The following AKT3 variants were observed in gnomAD, a reference collection of about 807,000 sequenced individuals.
AKT3 encodes AKT serine/threonine kinase 3.
In AKT3, 15 loss-of-function variants were observed where a neutral mutation model predicts 65.3. That is an observed-to-expected ratio of 0.23 (90% confidence interval 0.15 to 0.35). The LOEUF is 0.35. AKT3 is among the 10% of genes least tolerant of loss of function. The pLI, the probability that AKT3 is intolerant of heterozygous loss-of-function variation, is 1.00. For synonymous variants in AKT3, 206 were observed against 183.8 expected (o/e 1.12, Z -0.98); for missense variants, 243 against 576.5 (o/e 0.42, Z 5.92).
At chr1:243,619,237 C>T (rs1245882368) in intron 6 of AKT3, among the ~76,000 whole-genome samples, 1 of 152,046 alleles carries the variant, frequency 6.6e-6, no homozygotes, top group Non-Finnish European at 1.5e-5. Context: ...TTTTTCGATA[C>T]ATAATAGTTG....
intron 12 of AKT3, among the ~76,000 whole-genome samples, chr1:243,543,659 T>C (rs1672465151): frequency 6.6e-6 from 1 of 152,166 alleles, no homozygotes; most frequent in South Asian, 2.1e-4. Context: ...CATTCCTATA[T>C]ATGCATGCAA....
At chr1:243,727,320 G>C (rs1267823280) in intron 2 of AKT3, among the ~76,000 whole-genome samples, 1 of 152,142 alleles carries the variant, frequency 6.6e-6, no homozygotes, top group African/African-American at 2.4e-5. Context: ...TTGAGACAGG[G>C]TCTTGCTCTG....
intron 8 of AKT3, among the ~76,000 whole-genome samples, chr1:243,603,894 CTTT>C (rs566682027): frequency 3.8e-5 from 5 of 129,942 alleles, no homozygotes; most frequent in African/African-American, 8.8e-5. Flanking sequence ...AATTAATAAT[CTTT>C]TTTTTTTTTT....
chr1:243,610,974 T>C (rs1479003026), intron 8 of AKT3, among the ~76,000 whole-genome samples: 1 of 152,220 alleles, frequency 6.6e-6, no homozygotes, highest in East Asian at 1.9e-4. Flanking sequence ...GCTACAATGC[T>C]GCAATGAGTA....
intron 12 of AKT3, among the ~76,000 whole-genome samples, chr1:243,537,005 G>A (rs143779453): frequency 9.9e-5 from 15 of 152,160 alleles, no homozygotes; most frequent in African/African-American, 2.2e-4. Context: ...TAACCTCTGC[G>A]TAACTGCCAT....
chr1:243,749,431 A>C (rs925998708), intron 2 of AKT3, among the ~76,000 whole-genome samples: 1 of 151,932 alleles, frequency 6.6e-6, no homozygotes, highest in African/African-American at 2.4e-5. Context: ...TAATATCCCT[A>C]CTTCCTAGAA....
chr1:243,745,919 C>G (rs757111593), intron 2 of AKT3, among the ~76,000 whole-genome samples: 2 of 152,128 alleles, frequency 1.3e-5, no homozygotes, highest in Non-Finnish European at 2.9e-5. Context: ...CTGCAGTACC[C>G]GTAGTATTCA....
chr1:243,510,329 C>T (rs969983178), intron 13 of AKT3, among the ~76,000 whole-genome samples: 1 of 152,184 alleles, frequency 6.6e-6, no homozygotes, highest in African/African-American at 2.4e-5. Flanking sequence ...GGAGCTTGGG[C>T]TAATAACGAA....
chr1:243,708,891 T>C (rs1685973315), intron 2 of AKT3, among the ~76,000 whole-genome samples: 3 of 152,000 alleles, frequency 2.0e-5, no homozygotes, highest in African/African-American at 4.8e-5. Flanking sequence ...CATTTATTAA[T>C]GAAATATAAT....
intron 8 of AKT3, among the ~76,000 whole-genome samples, chr1:243,608,585 G>A (rs1159935547): frequency 6.6e-6 from 1 of 152,072 alleles, no homozygotes; most frequent in African/African-American, 2.4e-5. Context: ...GTCCTTAGAT[G>A]CCATACAGAT....
chr1:243,548,111 G>A (rs541888285), intron 11 of AKT3: 1 of 152,294 alleles, frequency 6.6e-6, no homozygotes, highest in East Asian at 1.9e-4. Context: ...TGTGCTTGGG[G>A]AACCAGAGAA....
chr1:243,810,057 C>T (rs1035832673), intron 2 of AKT3, among the ~76,000 whole-genome samples: 1 of 152,140 alleles, frequency 6.6e-6, no homozygotes, highest in African/African-American at 2.4e-5. Context: ...ATTTATAGCA[C>T]TAAATGCCCA....
intron 2 of AKT3, among the ~76,000 whole-genome samples, chr1:243,709,556 A>G (rs1686019352): frequency 6.6e-6 from 1 of 151,970 alleles, no homozygotes; most frequent in South Asian, 2.1e-4. Flanking sequence ...ACTACTAAAC[A>G]GTCTTATTCT....
intron 8 of AKT3, among the ~76,000 whole-genome samples, chr1:243,586,282 T>C (rs1675795031): frequency 6.6e-6 from 1 of 152,126 alleles, no homozygotes; most frequent in South Asian, 2.1e-4. Context: ...GGGATGCTTG[T>C]AACACTGTTG....
intron 2 of AKT3, among the ~76,000 whole-genome samples, chr1:243,747,595 A>G (rs1469866828): frequency 2.0e-5 from 3 of 152,352 alleles, no homozygotes; most frequent in African/African-American, 4.8e-5. Flanking sequence ...CTTCTTTCCC[A>G]AGACACAATG....
intron 2 of AKT3, among the ~76,000 whole-genome samples, chr1:243,811,307 A>G (rs899647603): frequency 1.3e-5 from 2 of 152,232 alleles, no homozygotes; most frequent in East Asian, 3.8e-4. Context: ...CCTTAAGCTG[A>G]TAAGTAACTT....
chr1:243,725,903 T>G (rs1360543342), intron 2 of AKT3, among the ~76,000 whole-genome samples: 2 of 152,196 alleles, frequency 1.3e-5, no homozygotes, highest in African/African-American at 2.4e-5. Flanking sequence ...AGCTAAAAAG[T>G]ACACACAGAA....
downstream of AKT3, among the ~76,000 whole-genome samples, chr1:243,498,199 C>T (rs950185523): frequency 4.6e-5 from 7 of 152,038 alleles, no homozygotes; most frequent in Non-Finnish European, 8.8e-5. Flanking sequence ...CTGGAGGGCA[C>T]GTCAGCTTGG....
Position 243,512,446 on chromosome 1 carries a change from G to T in AKT3, c.1252-20C>A. The T allele has an allele frequency of 2.1e-6, 3 of 1,423,562 alleles. No individual in the cohort carries two copies. Among genetic ancestry groups the T allele is most frequent in the Non-Finnish European group, 1.9e-6 (2 of 1,033,312 alleles). 88.2% of individuals were successfully genotyped at this position (1,423,562 alleles called of 1,614,324 possible). ...TACAAGCTGTAAAAAGAAAGAAAAA[G>T]AGTTTTATTAACTGATTTCAATTCA... On this transcript the variant is annotated intron_variant, in intron 12 of 13. Coordinates refer to ENST00000673466, the MANE Select transcript of AKT3 (RefSeq NM_005465.7).
Sources: allele counts gnomAD v4.1 joint callset (sites outside exome capture counted in the v4.1 genomes callset), GRCh38; gene constraint gnomAD v4.1.1; transcripts MANE v1.5; gene names NCBI Gene and HGNC (gene_info 2026-07-23, HGNC 2026-07-21).